The following CADM2 variants were observed in gnomAD, a reference collection of about 807,000 sequenced individuals.
CADM2 encodes the protein immunoglobulin superfamily member 4D.
A neutral mutation model predicts 49.8 loss-of-function variants in CADM2; 12 were observed. The ratio of observed to expected loss-of-function variants is 0.24; its 90% CI spans 0.15 to 0.39. CADM2 has a LOEUF of 0.39. CADM2 is among the 10% of genes least tolerant of loss of function. The pLI is 1.00. For missense variants in CADM2, 378 were observed against 492.3 expected, an observed-to-expected ratio of 0.77 and a Z score of 2.20; for synonymous variants, 214 against 175.4, an observed-to-expected ratio of 1.22 and a Z score of -1.74.
At chr3:85,027,921 A>G (rs901741391) in intron 1 of CADM2, among the ~76,000 whole-genome samples, 3 of 152,124 alleles carry the variant, frequency 2.0e-5, no homozygotes, top group African/African-American at 7.2e-5. Context: ...TTATCTCCCT[A>G]TAATTTTATT....
chr3:85,181,040 C>G (rs2040921720), intron 1 of CADM2, among the ~76,000 whole-genome samples: 1 of 152,132 alleles, frequency 6.6e-6, no homozygotes, highest in Admixed American at 6.6e-5. Context: ...AAGTAATGCA[C>G]AGTGACTGAA....
intron 5 of CADM2, among the ~76,000 whole-genome samples, chr3:85,905,343 C>T (rs1430882012): frequency 6.6e-6 from 1 of 152,048 alleles, no homozygotes; most frequent in Non-Finnish European, 1.5e-5. Flanking sequence ...TCTTCCAATA[C>T]AGAAACTGAT....
chr3:85,341,392 A>C (rs918475832), intron 1 of CADM2, among the ~76,000 whole-genome samples: 6 of 151,950 alleles, frequency 3.9e-5, no homozygotes, highest in Non-Finnish European at 8.8e-5. Context: ...TATTTTACAA[A>C]CATTAGATGG....
At chr3:85,926,137 A>AAAATAAATAAATAAAT (rs6147941) in intron 6 of CADM2, among the ~76,000 whole-genome samples, 4 of 143,580 alleles carry the variant, frequency 2.8e-5, no homozygotes, top group African/African-American at 7.7e-5. Context: ...CTCTGTCTCA[A>AAAATAAATAAATAAAT]AAATAAATAA....
At chr3:86,008,909 T>TA (rs147221799) in intron 8 of CADM2, among the ~76,000 whole-genome samples, 122 of 151,764 alleles carry the variant, frequency 8.0e-4, no homozygotes, top group African/African-American at 2.7e-3. Flanking sequence ...GCATTTGATG[T>TA]AAAATGTTCT....
At chr3:85,328,654 A>C (rs1048136149) in intron 1 of CADM2, among the ~76,000 whole-genome samples, 1 of 152,152 alleles carries the variant, frequency 6.6e-6, no homozygotes, top group Non-Finnish European at 1.5e-5. Context: ...TAAATTTTGG[A>C]TGTTGCAAGC....
chr3:85,555,401 C>T (rs574111691), intron 1 of CADM2, among the ~76,000 whole-genome samples: 5 of 152,046 alleles, frequency 3.3e-5, no homozygotes, highest in Non-Finnish European at 7.4e-5. Context: ...AAAATAACTG[C>T]TTGGTCAGGA....
At chr3:85,901,244 C>T (rs915642995) in intron 5 of CADM2, among the ~76,000 whole-genome samples, 1 of 152,000 alleles carries the variant, frequency 6.6e-6, no homozygotes, top group Non-Finnish European at 1.5e-5. Flanking sequence ...GACATTAGAT[C>T]CAAACAATTT....
chr3:85,246,044 T>C (rs2079250343), intron 1 of CADM2, among the ~76,000 whole-genome samples: 1 of 152,174 alleles, frequency 6.6e-6, no homozygotes, highest in Non-Finnish European at 1.5e-5. Context: ...ACTGATAATG[T>C]AAATAATTTG....
At chr3:85,798,227 A>C (rs560284138) in intron 2 of CADM2, among the ~76,000 whole-genome samples, 1 of 152,042 alleles carries the variant, frequency 6.6e-6, no homozygotes, top group South Asian at 2.1e-4. Context: ...TTGCCTATTC[A>C]CTCTGATGAT....
intron 3 of CADM2, among the ~76,000 whole-genome samples, chr3:85,879,432 G>A (rs996431406): frequency 6.6e-6 from 1 of 152,010 alleles, no homozygotes; most frequent in Admixed American, 6.6e-5. Flanking sequence ...TTGAGTGTAT[G>A]GGAGGGTGAT....
At chr3:85,155,922 C>A (rs565545015) in intron 1 of CADM2, among the ~76,000 whole-genome samples, 20 of 152,274 alleles carry the variant, frequency 1.3e-4, no homozygotes, top group African/African-American at 4.1e-4. Flanking sequence ...TCCAGAATCT[C>A]TGGGACGCAT....
intron 8 of CADM2, among the ~76,000 whole-genome samples, chr3:86,047,421 A>G (rs2107297414): frequency 6.6e-6 from 1 of 152,304 alleles, no homozygotes; most frequent in African/African-American, 2.4e-5. Flanking sequence ...CATGGTAATT[A>G]CACTGGACCT....
At chr3:85,522,750 G>A (rs182535231) in intron 1 of CADM2, among the ~76,000 whole-genome samples, 3 of 152,026 alleles carry the variant, frequency 2.0e-5, no homozygotes, top group Admixed American at 1.3e-4. Context: ...GTCTAAAATA[G>A]GAAGGGAGAA....
intron 1 of CADM2, among the ~76,000 whole-genome samples, chr3:85,630,003 G>T (rs13319919): frequency 0.03 from 4,554 of 152,056 alleles, 235 homozygotes; most frequent in African/African-American, 0.11. Flanking sequence ...TCTGGTCTCT[G>T]TATAGAGTTG....
chr3:85,604,671 A>C (rs928248945), intron 1 of CADM2, among the ~76,000 whole-genome samples: 1 of 151,998 alleles, frequency 6.6e-6, no homozygotes, highest in Admixed American at 6.6e-5. Flanking sequence ...AGCAAAGATC[A>C]ATGCTAGCAT....
intron 3 of CADM2, among the ~76,000 whole-genome samples, chr3:85,836,343 G>GA (rs1202209478): frequency 2.6e-5 from 4 of 151,498 alleles, no homozygotes; most frequent in Non-Finnish European, 5.9e-5. Context: ...TGAAAGAAAA[G>GA]AAAAAACTGT....
chr3:85,277,295 C>T lies in CADM2; in HGVS notation c.61+317627C>T, dbSNP rs539914538. ...AAAAGCTGAAATAACAAGCTCAAGG[C>T]CATACAAGTAGTGAACAAACAGTGA... On this transcript the variant is annotated intron_variant, in intron 1 of 9. Coordinates refer to ENST00000383699, the MANE Select transcript of CADM2 (RefSeq NM_001167675.2). Among the ~76,000 whole-genome samples, 4 of 151,416 alleles carry T rather than the reference C, an allele frequency of 2.6e-5. No individual in the cohort carries two copies. The East Asian group carries it at 7.8e-4, about 29-fold the overall frequency.
chr3:86,071,361 GC>G lies in CADM2; in HGVS notation c.*4581del, dbSNP rs372523553. The G allele has an allele frequency of 2.0e-5, 3 of 151,568 alleles. No homozygotes were observed. The highest frequency in any genetic ancestry group is 7.3e-5 in the African/African-American group (3 of 41,374). The allele number at this position is 151,568 out of a possible 1,614,324, so 9.4% of individuals were successfully genotyped here. A position where few individuals can be genotyped will look rare whatever the true frequency, so the allele number is the denominator to read the frequency against. On this transcript the variant is annotated 3_prime_UTR_variant, in exon 10 of 10. Transcript: ENST00000383699. ...CTCTCTCTATTCTACCCCCAAACAA[GC>G]CCTTTGCACTCATACCCTTCCAAAG...
Sources: allele counts gnomAD v4.1 joint callset (sites outside exome capture counted in the v4.1 genomes callset), GRCh38; gene constraint gnomAD v4.1.1; transcripts MANE v1.5; gene names NCBI Gene and HGNC (gene_info 2026-07-23, HGNC 2026-07-21).